The following SLC35F3 variants were observed in gnomAD, a reference collection of about 807,000 sequenced individuals.
SLC35F3 encodes the protein putative thiamine transporter SLC35F3.
In SLC35F3, 25 loss-of-function variants were observed where a neutral mutation model predicts 49.9. The observed-to-expected ratio is 0.50, with a 90% CI of 0.37 to 0.70. The LOEUF is 0.70. Among genes scored for constraint, SLC35F3 ranks in the 30% least tolerant of loss-of-function variants. SLC35F3 has a pLI of 0.00. For missense variants in SLC35F3, 525 were observed against 639.8 expected (o/e 0.82, Z 1.94); for synonymous variants, 275 against 265.4 (o/e 1.04, Z -0.35).
intron 2 of SLC35F3, among the ~76,000 whole-genome samples, chr1:234,068,738 G>A (rs1022012059): frequency 1.4e-5 from 2 of 146,700 alleles, no homozygotes; most frequent in African/African-American, 2.5e-5. Flanking sequence ...CTTGCAGACC[G>A]CTGTAAATGC....
intron 2 of SLC35F3, among the ~76,000 whole-genome samples, chr1:234,060,067 G>C (rs1037517241): frequency 1.3e-5 from 2 of 152,202 alleles, no homozygotes. Flanking sequence ...ACAGATCCCA[G>C]TGAAATGAAA....
intron 2 of SLC35F3, among the ~76,000 whole-genome samples, chr1:234,037,893 G>C (rs553979350): frequency 6.6e-6 from 1 of 152,126 alleles, no homozygotes; most frequent in South Asian, 2.1e-4. Context: ...GAGCCATCTC[G>C]GGTCAGCTCA....
intron 2 of SLC35F3, among the ~76,000 whole-genome samples, chr1:234,082,734 G>A (rs1163668841): frequency 1.3e-5 from 2 of 152,180 alleles, no homozygotes. Context: ...CAGCAGGCGA[G>A]AGAGAAAATT....
chr1:234,033,923 C>T (rs1413352984), intron 2 of SLC35F3, among the ~76,000 whole-genome samples: 4 of 152,050 alleles, frequency 2.6e-5, no homozygotes, highest in South Asian at 4.1e-4. Flanking sequence ...GGAATCGCAT[C>T]GAATATGTAG....
At position 234,231,039 on chromosome 1, in the gene SLC35F3, T is replaced by G. The variant is rs1403220067; in HGVS notation, c.284-378T>G. Among the ~76,000 whole-genome samples, 1 of 152,216 alleles carries G rather than the reference T, an allele frequency of 6.6e-6. No individual in the cohort carries two copies. Among genetic ancestry groups the G allele is most frequent in the Non-Finnish European group, 1.5e-5 (1 of 68,046 alleles). On this transcript the variant is annotated intron_variant, in intron 2 of 7. Coordinates refer to ENST00000366618, the MANE Select transcript of SLC35F3 (RefSeq NM_173508.4). The surrounding 1 kb of genome is among the most constrained non-coding windows in gnomAD (Gnocchi z 5.4). ...TAAATGAGAGTGGAGATATTTCAGCTGCTCTGTGTGTTCTGGAGGAGTGTT... is the reference window on the plus strand; with the variant it reads ...TAAATGAGAGTGGAGATATTTCAGCGGCTCTGTGTGTTCTGGAGGAGTGTT...
intron 2 of SLC35F3, among the ~76,000 whole-genome samples, chr1:233,998,799 A>G (rs1054939539): frequency 1.3e-5 from 2 of 152,170 alleles, no homozygotes; most frequent in African/African-American, 4.8e-5. Context: ...GGAACATCTA[A>G]TATCTGATGA....
chr1:234,142,725 A>G lies in SLC35F3; in HGVS notation c.284-88692A>G, dbSNP rs528724184. 7.9e-5 allele frequency among the ~76,000 whole-genome samples: 12 copies of G among 152,186 alleles called. No homozygotes were observed. The South Asian group carries it at 2.1e-3, about 26-fold the overall frequency. ...TATGGTTGGAGGTCTTACAAATCCAATGGGGCCAGTGTATTAAATATGGCC... is the reference window on the plus strand; with the variant it reads ...TATGGTTGGAGGTCTTACAAATCCAGTGGGGCCAGTGTATTAAATATGGCC... On this transcript the variant is annotated intron_variant, in intron 2 of 7. Transcript: ENST00000366618.
In SLC35F3 at chr1:234,027,706, A is replaced by G. The variant is rs1663998947; in HGVS notation, c.283+121948A>G. On this transcript the variant is annotated intron_variant, in intron 2 of 7. Transcript: ENST00000366618. The surrounding 1 kb of genome is among the most constrained non-coding windows in gnomAD (Gnocchi z 4.1). ...GGTGACCAGTTGTTTGGATGAAGAG[A>G]GGGTAATTTTGTTTGTTTATTCCCT... is the stretch of plus-strand genomic sequence containing the variant. Among the ~76,000 whole-genome samples, 1 of 152,146 alleles carries G rather than the reference A, an allele frequency of 6.6e-6. No homozygotes were observed. Among genetic ancestry groups the G allele is most frequent in the South Asian group, 2.1e-4 (1 of 4,822 alleles).
intron 2 of SLC35F3, among the ~76,000 whole-genome samples, chr1:234,190,213 A>G (rs1666710622): frequency 6.6e-6 from 1 of 152,206 alleles, no homozygotes; most frequent in Non-Finnish European, 1.5e-5. Flanking sequence ...ATAGTACCTC[A>G]CATCTCAATA....
At chr1:234,291,854 C>G (rs1668513258) in intron 3 of SLC35F3, among the ~76,000 whole-genome samples, 1 of 152,156 alleles carries the variant, frequency 6.6e-6, no homozygotes, top group South Asian at 2.1e-4. Flanking sequence ...CACTTTAAGG[C>G]AAAAGCCAAA....
intron 3 of SLC35F3, among the ~76,000 whole-genome samples, chr1:234,302,153 G>C (rs897406701): frequency 1.3e-5 from 2 of 151,770 alleles, no homozygotes; most frequent in Non-Finnish European, 2.9e-5. Context: ...TGTATCCTGG[G>C]TTGTTGTTGT....
intron 2 of SLC35F3, among the ~76,000 whole-genome samples, chr1:234,186,845 T>TATG (rs1666650964): frequency 6.6e-6 from 1 of 152,204 alleles, no homozygotes; most frequent in Non-Finnish European, 1.5e-5. Flanking sequence ...GGCCCCATAG[T>TATG]GAGCCTGAGA....
rs536488888 is a variant in SLC35F3, at chr1:234,133,491, C to T, written c.284-97926C>T. On this transcript the variant is annotated intron_variant, in intron 2 of 7. Transcript: ENST00000366618. ...TCCCCAGCAGCTCATAGTCAAGTTC[C>T]CTGCAGCAGATGACCAACAGAGGCA... Among the ~76,000 whole-genome samples the T allele has an allele frequency of 1.2e-4, 18 of 152,264 alleles. No homozygotes were observed. The South Asian group carries it at 3.3e-3, about 28-fold the overall frequency.
At chr1:233,951,271 T>G (rs1169016167) in intron 2 of SLC35F3, among the ~76,000 whole-genome samples, 2 of 151,994 alleles carry the variant, frequency 1.3e-5, no homozygotes, top group African/African-American at 4.8e-5. Context: ...ACATCATAAC[T>G]GTTGTAGCAT....
chr1:234,231,544 G>A lies in SLC35F3; in HGVS notation c.411G>A (p.Trp137Ter). 1 of 1,614,094 alleles carries A rather than the reference G, an allele frequency of 6.2e-7. No homozygotes were observed. Among genetic ancestry groups the A allele is most frequent in the Middle Eastern group, 1.7e-4 (1 of 6,060 alleles). The change falls in exon 3 of 8, where the codon TGG becomes TGA. Residue 137 changes from tryptophan (W) to a stop codon, truncating the protein, a stop_gained. Coordinates refer to ENST00000366618, the MANE Select transcript of SLC35F3 (RefSeq NM_173508.4). LOFTEE classifies it high-confidence loss of function. The surrounding 1 kb of genome is among the most constrained non-coding windows in gnomAD (Gnocchi z 5.4). ...CSRAQLKKIFWGVAVVLCVCS... is the reference protein window; with the variant it reads ...CSRAQLKKIF ...GGGCGCAACTCAAGAAGATCTTCTG[G>A]GGCGTGGCGGTCGTGCTGTGCGTGT...
chr1:233,936,875 A>G (rs908857956), intron 2 of SLC35F3, among the ~76,000 whole-genome samples: 1 of 152,094 alleles, frequency 6.6e-6, no homozygotes, highest in Non-Finnish European at 1.5e-5. Flanking sequence ...AATGTTTTGT[A>G]GAGACGGGGC....
At chr1:234,128,866 C>T (rs1254930853) in intron 2 of SLC35F3, among the ~76,000 whole-genome samples, 1 of 152,156 alleles carries the variant, frequency 6.6e-6, no homozygotes, top group Non-Finnish European at 1.5e-5. Context: ...GCAGTAGATT[C>T]GTAACTTGGG....
chr1:233,911,554 A>G (rs1661874251), intron 2 of SLC35F3, among the ~76,000 whole-genome samples: 2 of 152,320 alleles, frequency 1.3e-5, no homozygotes, highest in Non-Finnish European at 2.9e-5. Context: ...CAGAACTATT[A>G]TCTTTTAAGG....
intron 2 of SLC35F3, among the ~76,000 whole-genome samples, chr1:234,045,156 T>A (rs1228868392): frequency 6.6e-6 from 1 of 152,154 alleles, no homozygotes; most frequent in Admixed American, 6.5e-5. Context: ...TTGCCTGCCT[T>A]CTAGAACTCA....
Sources: gnomAD v4.1 joint callset for allele counts (sites outside exome capture counted in the v4.1 genomes callset) on GRCh38, gnomAD v4.1.1 for gene constraint, Gnocchi (gnomAD v3.1) non-coding constraint, MANE v1.5 for transcripts, NCBI Gene and HGNC (gene_info 2026-07-23, HGNC 2026-07-21) for gene names.